Variants in CPSF4L observed in about 807,000 individuals in gnomAD.
The protein encoded by CPSF4L is putative cleavage and polyadenylation specificity factor subunit 4-like protein.
In CPSF4L, 18 loss-of-function variants were observed where a neutral mutation model predicts 24.0. That is an observed-to-expected ratio of 0.75 (90% CI 0.52 to 1.11). The LOEUF (loss-of-function observed/expected upper bound fraction) is 1.11. Ranked by LOEUF, CPSF4L falls within the 50% of genes least tolerant of loss-of-function variation. The pLI, the probability that CPSF4L is intolerant of heterozygous loss-of-function variation, is 0.00. For synonymous variants in CPSF4L, 72 were observed against 77.2 expected (o/e 0.93, Z 0.35); for missense variants, 211 against 221.8 (o/e 0.95, Z 0.31).
rs868549849 is a variant in CPSF4L, at chr17:73,252,180, G to A, written c.497+450C>T. Among the ~76,000 whole-genome samples, 7 of 152,214 alleles carry A rather than the reference G, an allele frequency of 4.6e-5. No homozygotes were observed. In the South Asian group the frequency reaches 1.4e-3, roughly 31 times the overall value. On this transcript the variant is annotated intron_variant, in intron 5 of 5. Coordinates refer to ENST00000344935, the MANE Select transcript of CPSF4L (RefSeq NM_001129885.1). Reference sequence around the variant, plus strand: ...TTCATGTAACTCGGGTTGAGTAAAAGATTCATCTTGGGACTAAGGGAAGTG... The same window carrying A: ...TTCATGTAACTCGGGTTGAGTAAAAAATTCATCTTGGGACTAAGGGAAGTG...
In CPSF4L at chr17:73,252,730, A is replaced by C; in HGVS notation, c.404-7T>G. 6.5e-7 allele frequency: 1 copy of C among 1,538,990 alleles called. No homozygotes were observed. The highest frequency in any genetic ancestry group is 8.8e-7 in the Non-Finnish European group (1 of 1,137,720). On this transcript the variant is annotated splice_polypyrimidine_tract_variant and splice_region_variant and intron_variant, in intron 4 of 5. Coordinates refer to ENST00000344935, the MANE Select transcript of CPSF4L (RefSeq NM_001129885.1). ...CGGTATTTACACAGAGGACCTGCTGAGCAAAGAGAAAGTGATGAGAAGGAT... is the reference window on the plus strand; with the variant it reads ...CGGTATTTACACAGAGGACCTGCTGCGCAAAGAGAAAGTGATGAGAAGGAT...
At chr17:73,255,417 G>A (rs2062021126) in intron 3 of CPSF4L, among the ~76,000 whole-genome samples, 1 of 151,010 alleles carries the variant, frequency 6.6e-6, no homozygotes, top group Non-Finnish European at 1.5e-5. Context: ...TGTGGTGGGA[G>A]AATCGCTTGA....
the CPSF4L span, chr17:73,243,093 T>TTTTTGTTTTTTTTTTTG: frequency 7.1e-6 from 7 of 991,220 alleles, no homozygotes; most frequent in African/African-American, 3.4e-5. Flanking sequence ...TTTTTTTTTT[T>TTTTTGTTTTTTTTTTTG]TTTTTTTTAC....
the CPSF4L span, chr17:73,242,825 C>A: frequency 7.9e-7 from 1 of 1,259,376 alleles, no homozygotes; most frequent in South Asian, 1.3e-5. Context: ...ACTGGGAAAA[C>A]TTGAATGACT....
chr17:73,255,522 A>G (rs989060046), intron 3 of CPSF4L, among the ~76,000 whole-genome samples: 6 of 151,718 alleles, frequency 4.0e-5, no homozygotes, highest in Non-Finnish European at 5.9e-5. Flanking sequence ...AAAGAAAAAA[A>G]AAAAAAAAAA....
chr17:73,253,434 C>T (rs560111467), intron 4 of CPSF4L, among the ~76,000 whole-genome samples: 5 of 152,280 alleles, frequency 3.3e-5, no homozygotes, highest in East Asian at 1.9e-4. Context: ...CTAAGAACTC[C>T]GTAAGAAAAA....
At chr17:73,261,462 C>T (rs985793441) in intron 1 of CPSF4L, among the ~76,000 whole-genome samples, 9 of 152,034 alleles carry the variant, frequency 5.9e-5, no homozygotes, top group South Asian at 2.1e-4. Flanking sequence ...GAGATTGAGA[C>T]CATCCTGGCT....
chr17:73,262,130 G>A (rs778674076), upstream of CPSF4L: 2 of 303,872 alleles, frequency 6.6e-6, no homozygotes, highest in Admixed American at 4.5e-5. Flanking sequence ...GCATGTTACC[G>A]AACACAAACG....
At chr17:73,242,987 G>A in the CPSF4L span, 1 of 1,613,556 alleles carries the variant, frequency 6.2e-7, no homozygotes, top group Non-Finnish European at 8.5e-7. Context: ...GTTGTAGCTG[G>A]AGTTTCAGAC....
chr17:73,245,604 T>C, downstream of CPSF4L: 4 of 985,416 alleles, frequency 4.1e-6, no homozygotes, highest in Non-Finnish European at 4.8e-6. Flanking sequence ...TACAGGAAAG[T>C]ATCTGAATTG....
chr17:73,262,167 C>A, upstream of CPSF4L: 1 of 223,522 alleles, frequency 4.5e-6, no homozygotes, highest in Non-Finnish European at 9.0e-6. Context: ...ATTACCAAAC[C>A]TGGGCTCATA....
At chr17:73,254,739 G>A (rs1183254057) in intron 3 of CPSF4L, among the ~76,000 whole-genome samples, 1 of 152,188 alleles carries the variant, frequency 6.6e-6, no homozygotes, top group Non-Finnish European at 1.5e-5. Flanking sequence ...CGCCTCCCGG[G>A]TTCAAGCAAT....
At chr17:73,262,032 A>T, upstream of CPSF4L, 1 of 575,380 alleles carries the variant, frequency 1.7e-6, no homozygotes, top group Admixed American at 3.0e-5. Context: ...AGGGGCAGAC[A>T]CCCCAGGGCC....
the CPSF4L span, chr17:73,242,393 G>A: frequency 7.4e-7 from 1 of 1,354,768 alleles, no homozygotes; most frequent in South Asian, 1.3e-5. Context: ...TGCAGGTTCT[G>A]GGCATTTGGA....
intron 3 of CPSF4L, among the ~76,000 whole-genome samples, chr17:73,254,389 G>GC (rs141998415): frequency 6.6e-6 from 1 of 152,320 alleles, no homozygotes; most frequent in East Asian, 1.9e-4. Context: ...TGTAACTGCA[G>GC]CCCCCTCTTC....
chr17:73,260,244 A>G (rs1289919884), intron 2 of CPSF4L, among the ~76,000 whole-genome samples: 1 of 152,206 alleles, frequency 6.6e-6, no homozygotes, highest in East Asian at 1.9e-4. Flanking sequence ...GAGGAAATCA[A>G]GAAAAACATT....
intron 5 of CPSF4L, among the ~76,000 whole-genome samples, chr17:73,249,253 A>G (rs561979682): frequency 6.6e-6 from 1 of 152,304 alleles, no homozygotes; most frequent in East Asian, 1.9e-4. Context: ...CCCTACTGCA[A>G]TCCACAGGCA....
At chr17:73,242,304 C>G in the CPSF4L span, 2 of 1,606,300 alleles carry the variant, frequency 1.2e-6, no homozygotes, top group Non-Finnish European at 1.7e-6. Context: ...GCCGGACTTA[C>G]AACCTCCAAC....
intron 5 of CPSF4L, among the ~76,000 whole-genome samples, chr17:73,251,723 G>A (rs538865229): frequency 3.3e-5 from 5 of 152,198 alleles, no homozygotes; most frequent in Non-Finnish European, 5.9e-5. Context: ...TTAGCCCCTC[G>A]CCTGTACAAA....
Sources: gnomAD v4.1 joint callset for allele counts (sites outside exome capture counted in the v4.1 genomes callset) on GRCh38, gnomAD v4.1.1 for gene constraint, MANE v1.5 for transcripts, NCBI Gene and HGNC (gene_info 2026-07-23, HGNC 2026-07-21) for gene names.